The following DNASE1 variants were observed in gnomAD, a reference collection of about 807,000 sequenced individuals.
DNASE1 encodes deoxyribonuclease 1, also known as deoxyribonuclease-1.
DNASE1 carries 40 observed loss-of-function variants against 33.9 expected under a neutral mutation model. That is an observed-to-expected ratio of 1.18 (90% CI 0.92 to 1.54). The LOEUF (loss-of-function observed/expected upper bound fraction) is 1.54. Among genes scored for constraint, DNASE1 ranks in the 40% most tolerant of loss-of-function variants. The pLI, the probability that DNASE1 is intolerant of heterozygous loss-of-function variation, is 0.00. For synonymous variants in DNASE1, 216 were observed against 160.0 expected (o/e 1.35, Z -2.64); for missense variants, 518 against 372.6 (o/e 1.39, Z -3.21).
chr16:3,625,957 G>A (rs530958581), intron 1 of DNASE1, among the ~76,000 whole-genome samples: 47 of 152,174 alleles, frequency 3.1e-4, no homozygotes, highest in African/African-American at 1.0e-3. Flanking sequence ...AAAATTAGCC[G>A]GGTGTCAGGG....
chr16:3,630,333 C>T lies in DNASE1; in HGVS notation c.-1358-10382C>T, dbSNP rs569687725. Among the ~76,000 whole-genome samples the T allele has an allele frequency of 4.0e-4, 61 of 152,238 alleles. 1 individual carries two copies. The South Asian group carries it at 0.012, about 31-fold the overall frequency. ...AGTAGCTGGGACCACAGGCACACGC[C>T]ACCACACCTGGCTAATTTTTGTACT... On this transcript the variant is annotated intron_variant and NMD_transcript_variant, in intron 1 of 11. Transcript: ENST00000570769.
chr16:3,630,652 C>T (rs565188449), intron 1 of DNASE1, among the ~76,000 whole-genome samples: 1 of 151,772 alleles, frequency 6.6e-6, no homozygotes, highest in South Asian at 2.1e-4. Context: ...TAGAGCCCTG[C>T]TCTCTTTTGG....
Position 3,657,810 on chromosome 16 carries a change from C to G in DNASE1, c.795C>G (p.Asp265Glu). The change falls in exon 8 of 9, where the codon GAC (aspartate) becomes GAG (glutamate). Residue 265 changes from aspartate (D) to glutamate (E), a missense_variant. Coordinates refer to ENST00000246949, the MANE Select transcript of DNASE1 (RefSeq NM_005223.4). Reference protein sequence around the residue: ...FNFQAAYGLSDQLAQAISDHY... With the variant: ...FNFQAAYGLSEQLAQAISDHY... ...TCCAGGCTGCCTATGGCCTGAGTGA[C>G]CAACTGGTATGTGTCCTCCCTTGCA... 1 of 1,614,002 alleles carries G rather than the reference C, an allele frequency of 6.2e-7. No individual in the cohort carries two copies. The highest frequency in any genetic ancestry group is 8.5e-7 in the Non-Finnish European group (1 of 1,180,024).
chr16:3,638,426 C>T (rs972063012), upstream of DNASE1, among the ~76,000 whole-genome samples: 10 of 152,210 alleles, frequency 6.6e-5, no homozygotes, highest in African/African-American at 2.4e-4. Flanking sequence ...CAAGCTCCGC[C>T]TCCAGGGTTC....
At chr16:3,642,343 A>G (rs972586190), upstream of DNASE1, among the ~76,000 whole-genome samples, 1 of 152,314 alleles carries the variant, frequency 6.6e-6, no homozygotes, top group East Asian at 1.9e-4. Flanking sequence ...TTACTCCACC[A>G]TCCTGCCAGG....
intron 1 of DNASE1, among the ~76,000 whole-genome samples, chr16:3,616,004 C>A (rs548388831): frequency 2.0e-5 from 3 of 152,254 alleles, no homozygotes; most frequent in East Asian, 1.9e-4. Context: ...CTCCTGAGTT[C>A]TTTGATCATG....
upstream of DNASE1, chr16:3,653,518 T>TA (rs1047356508): frequency 6.6e-6 from 1 of 151,670 alleles, no homozygotes; most frequent in Non-Finnish European, 1.5e-5. Context: ...GTGAGAAACT[T>TA]AAAAAATAGG....
At chr16:3,661,975 G>A (rs752687413), downstream of DNASE1, 1 of 1,594,212 alleles carries the variant, frequency 6.3e-7, no homozygotes, top group African/African-American at 1.3e-5. Context: ...AGAGCCAGGA[G>A]CGTGGCCTCA....
chr16:3,659,453 G>A (rs1389754788), downstream of DNASE1: 1 of 152,184 alleles, frequency 6.6e-6, no homozygotes, highest in Non-Finnish European at 1.5e-5. Context: ...CATCATCTCA[G>A]AAGGGGAAAG....
intron 1 of DNASE1, among the ~76,000 whole-genome samples, chr16:3,614,239 G>T (rs2041020833): frequency 6.6e-6 from 1 of 151,748 alleles, no homozygotes; most frequent in African/African-American, 2.4e-5. Context: ...AGTAGAGACG[G>T]GGTTTCACCA....
chr16:3,656,565 C>T, intron 4 of DNASE1, 73 bp from the exon 5 acceptor site: 1 of 1,372,356 alleles, frequency 7.3e-7, no homozygotes, highest in Non-Finnish European at 1.0e-6. Context: ...GGACGCGACG[C>T]CTGCCTCCTG....
At chr16:3,622,214 A>G (rs1255472134) in intron 1 of DNASE1, among the ~76,000 whole-genome samples, 1 of 102,770 alleles carries the variant, frequency 9.7e-6, no homozygotes, top group Non-Finnish European at 2.0e-5. Context: ...AGCAAGACTG[A>G]AAAAAAAAAA....
intron 1 of DNASE1, among the ~76,000 whole-genome samples, chr16:3,615,633 A>G (rs903724889): frequency 3.9e-5 from 6 of 152,240 alleles, no homozygotes; most frequent in Non-Finnish European, 7.3e-5. Context: ...GGTAAACCTT[A>G]CAGGGTTTAT....
At chr16:3,660,489 A>G (rs1351209322), downstream of DNASE1, 1 of 142,786 alleles carries the variant, frequency 7.0e-6, no homozygotes, top group African/African-American at 2.5e-5. Context: ...TGAAGTGGCA[A>G]CAGACAGAAA....
At chr16:3,635,754 T>C (rs184538357) in intron 1 of DNASE1, among the ~76,000 whole-genome samples, 1 of 152,184 alleles carries the variant, frequency 6.6e-6, no homozygotes, top group East Asian at 1.9e-4. Flanking sequence ...CTCTACTGTT[T>C]TCCCTTGAAT....
chr16:3,630,818 A>G (rs775213845), intron 1 of DNASE1, among the ~76,000 whole-genome samples: 4 of 152,066 alleles, frequency 2.6e-5, no homozygotes, highest in African/African-American at 9.7e-5. Context: ...CCTGAGCAAC[A>G]TAGAGAGACC....
chr16:3,613,730 A>G (rs2040991693), intron 1 of DNASE1, among the ~76,000 whole-genome samples: 1 of 151,994 alleles, frequency 6.6e-6, no homozygotes, highest in Admixed American at 6.6e-5. Context: ...AGTGCTGTTG[A>G]AATAATTTCT....
At chr16:3,633,614 A>G (rs1300573139) in intron 1 of DNASE1, among the ~76,000 whole-genome samples, 4 of 124,238 alleles carry the variant, frequency 3.2e-5, no homozygotes, top group East Asian at 2.3e-4. Flanking sequence ...ATCTCAAGAG[A>G]AAAAAAAAAA....
chr16:3,620,166 T>A (rs2041256395), intron 1 of DNASE1, among the ~76,000 whole-genome samples: 1 of 152,106 alleles, frequency 6.6e-6, no homozygotes, highest in South Asian at 2.1e-4. Context: ...TCCACCCGCA[T>A]CGGCTTCCCA....
Sources: allele counts gnomAD v4.1 joint callset (sites outside exome capture counted in the v4.1 genomes callset), GRCh38; gene constraint gnomAD v4.1.1; transcripts MANE v1.5; gene names NCBI Gene and HGNC (gene_info 2026-07-23, HGNC 2026-07-21).